IL1RAPL2: variants seen among roughly 807,000 people sequenced by gnomAD.
IL1RAPL2 encodes the protein interleukin 1 receptor accessory protein like 2.
IL1RAPL2 carries 3 observed loss-of-function variants against 44.1 expected under a neutral mutation model. The ratio of observed to expected loss-of-function variants is 0.07; its 90% CI spans 0.03 to 0.18. The LOEUF (loss-of-function observed/expected upper bound fraction) is 0.18. Ranked by LOEUF, IL1RAPL2 falls within the 10% of genes least tolerant of loss-of-function variation. The pLI, the probability that IL1RAPL2 is intolerant of heterozygous loss-of-function variation, is 1.00. For missense variants in IL1RAPL2, 391 were observed against 496.4 expected, an observed-to-expected ratio of 0.79 and a Z score of 2.02; for synonymous variants, 181 against 178.8, an observed-to-expected ratio of 1.01 and a Z score of -0.10.
chrX:104,991,991 G>A (rs1213026653), intron 2 of IL1RAPL2, among the ~76,000 whole-genome samples: 2 of 111,346 alleles, frequency 1.8e-5, no homozygotes, highest in Non-Finnish European at 3.8e-5. Flanking sequence ...AGGAAGCAAT[G>A]GAAGGCATTC....
intron 5 of IL1RAPL2, among the ~76,000 whole-genome samples, chrX:105,339,688 A>T (rs1206382341): frequency 1.8e-5 from 2 of 111,821 alleles, no homozygotes; most frequent in African/African-American, 3.2e-5. Context: ...AGCGTAAAGG[A>T]AACTTAGTGA....
chrX:104,799,084 C>T (rs1932869188), intron 2 of IL1RAPL2, among the ~76,000 whole-genome samples: 1 of 111,234 alleles, frequency 9.0e-6, no homozygotes, highest in African/African-American at 3.3e-5. Flanking sequence ...TTGTTATCCT[C>T]ATTTTACAGA....
At chrX:104,888,807 C>T (rs1217974384) in intron 2 of IL1RAPL2, among the ~76,000 whole-genome samples, 3 of 111,094 alleles carry the variant, frequency 2.7e-5, no homozygotes, top group Admixed American at 9.6e-5. Flanking sequence ...AATATGCAAT[C>T]ATTAGCCAAA....
In IL1RAPL2 at chrX:105,665,946, T is replaced by A. The variant is rs772442806; in HGVS notation, c.773-51421T>A. Among the ~76,000 whole-genome samples, 4 of 108,507 alleles carry A rather than the reference T, an allele frequency of 3.7e-5. No homozygotes were observed. In the South Asian group the frequency reaches 1.2e-3, roughly 33 times the overall value. The allele number at this position is 108,507 out of a possible 115,157, so 94.2% of individuals were successfully genotyped here. On this transcript the variant is annotated intron_variant, in intron 6 of 10. Transcript: ENST00000372582. ...CCCGGCTAATTTTTTGTATTTTTTGTAGAGACGGGGTTTCACCGTCTTAAC... is the reference window on the plus strand; with the variant it reads ...CCCGGCTAATTTTTTGTATTTTTTGAAGAGACGGGGTTTCACCGTCTTAAC...
At chrX:105,418,566 A>G (rs1441396950) in intron 5 of IL1RAPL2, among the ~76,000 whole-genome samples, 1 of 111,994 alleles carries the variant, frequency 8.9e-6, no homozygotes, top group East Asian at 2.8e-4. Flanking sequence ...TAATTGTTGC[A>G]TGTTCTAATT....
intron 6 of IL1RAPL2, among the ~76,000 whole-genome samples, chrX:105,502,898 T>G (rs768085424): frequency 3.6e-5 from 4 of 110,689 alleles, no homozygotes; most frequent in Admixed American, 1.9e-4. Context: ...AGCGTATTTT[T>G]TTTTGTCTGC....
chrX:105,145,300 C>G (rs2033169568), intron 2 of IL1RAPL2, among the ~76,000 whole-genome samples: 1 of 111,436 alleles, frequency 9.0e-6, no homozygotes, highest in Non-Finnish European at 1.9e-5. Flanking sequence ...GCATTATTAT[C>G]TGTTTTGTAC....
chrX:105,473,094 A>G (rs974178135), intron 5 of IL1RAPL2, among the ~76,000 whole-genome samples: 2 of 111,744 alleles, frequency 1.8e-5, no homozygotes, highest in South Asian at 7.5e-4. Context: ...TGAGGATTAA[A>G]TGAGACTGGG....
chrX:105,713,806 G>T (rs2038234748), intron 6 of IL1RAPL2, among the ~76,000 whole-genome samples: 1 of 111,423 alleles, frequency 9.0e-6, no homozygotes, highest in African/African-American at 3.3e-5. Context: ...TTAACAAATG[G>T]TTGCTTGGCC....
chrX:105,767,094 C>A lies in IL1RAPL2; in HGVS notation c.1494C>A (p.Val498=), dbSNP rs993340992. The A allele has an allele frequency of 8.3e-7, 1 of 1,208,262 alleles. No individual in the cohort carries two copies. The highest frequency in any genetic ancestry group is 1.7e-5 in the African/African-American group (1 of 57,625). ...ELESRLHNML[V]SGEIKVILIE... is the part of the protein sequence containing the mutation. ...AAAGCAGACTCCATAACATGCTAGT[C>A]AGTGGAGAAATCAAAGTGATTTTGA... Residue 498 remains valine, a synonymous_variant, in exon 11 of 11, where the codon GTC becomes GTA. Coordinates refer to ENST00000372582, the MANE Select transcript of IL1RAPL2 (RefSeq NM_017416.2).
At chrX:105,565,388 T>C (rs1011702538) in intron 6 of IL1RAPL2, among the ~76,000 whole-genome samples, 1 of 111,422 alleles carries the variant, frequency 9.0e-6, no homozygotes, top group African/African-American at 3.3e-5. Flanking sequence ...ACCTAGGCTT[T>C]GATTACCTAG....
At chrX:104,644,810 G>A (rs1426126946) in intron 1 of IL1RAPL2, among the ~76,000 whole-genome samples, 1 of 110,908 alleles carries the variant, frequency 9.0e-6, no homozygotes, top group Non-Finnish European at 1.9e-5. Flanking sequence ...TCCTATCACA[G>A]CTAATCTTTG....
chrX:104,850,759 A>C (rs1236072361), intron 2 of IL1RAPL2, among the ~76,000 whole-genome samples: 1 of 111,611 alleles, frequency 9.0e-6, no homozygotes, highest in Non-Finnish European at 1.9e-5. Context: ...TAATACTAGC[A>C]GAAAAGTCAG....
rs146282392 is a variant in IL1RAPL2 at position 104,695,811 on chromosome X, G to A, written c.82+36816G>A. Among the ~76,000 whole-genome samples the A allele has an allele frequency of 1.4e-3, 151 of 110,484 alleles. 1 individual carries two copies. In the Middle Eastern group the frequency reaches 0.014, roughly 10 times the overall value. ...CTGTGAAGTAGGTACTGCGGTTTTC[G>A]TTTTGTTTCGTTTTGAGATGGCGTC... On this transcript the variant is annotated intron_variant, in intron 2 of 10. Coordinates refer to ENST00000372582, the MANE Select transcript of IL1RAPL2 (RefSeq NM_017416.2).
intron 6 of IL1RAPL2, among the ~76,000 whole-genome samples, chrX:105,624,278 T>C (rs963564303): frequency 9.0e-6 from 1 of 111,007 alleles, no homozygotes; most frequent in Admixed American, 9.6e-5. Flanking sequence ...AGCAGAACAA[T>C]GTTGCAGAAT....
At chrX:105,521,580 C>G (rs938420836) in intron 6 of IL1RAPL2, among the ~76,000 whole-genome samples, 1 of 111,419 alleles carries the variant, frequency 9.0e-6, no homozygotes, top group African/African-American at 3.3e-5. Flanking sequence ...TTAATAATCC[C>G]CATGTTTCAT....
At chrX:104,787,276 T>A (rs1932804183) in intron 2 of IL1RAPL2, among the ~76,000 whole-genome samples, 1 of 111,578 alleles carries the variant, frequency 9.0e-6, no homozygotes, top group African/African-American at 3.3e-5. Context: ...AGCTGGAGAA[T>A]GACAGAAGGT....
At chrX:105,123,753 A>T (rs2032947995) in intron 2 of IL1RAPL2, among the ~76,000 whole-genome samples, 1 of 111,226 alleles carries the variant, frequency 9.0e-6, no homozygotes, top group South Asian at 3.7e-4. Context: ...TATATAAGTG[A>T]ACTAGTATTT....
chrX:105,374,904 C>T (rs189436153), intron 5 of IL1RAPL2, among the ~76,000 whole-genome samples: 48 of 95,796 alleles, frequency 5.0e-4, no homozygotes, highest in African/African-American at 1.6e-3. Flanking sequence ...GCCTAGATGG[C>T]GCCACTGCAC....
Sources: gnomAD v4.1 joint callset for allele counts (sites outside exome capture counted in the v4.1 genomes callset) on GRCh38, gnomAD v4.1.1 for gene constraint, MANE v1.5 for transcripts, NCBI Gene and HGNC (gene_info 2026-07-23, HGNC 2026-07-21) for gene names.